RAB3C: variants seen among roughly 807,000 people sequenced by gnomAD.
RAB3C encodes ras-related protein Rab-3C.
In RAB3C, 17 loss-of-function variants were observed where a neutral mutation model predicts 26.4. The observed-to-expected ratio is 0.64, with a 90% CI of 0.44 to 0.97. The LOEUF is 0.97. Ranked by LOEUF, RAB3C falls within the 50% of genes least tolerant of loss-of-function variation. The pLI is 0.00. For synonymous variants in RAB3C, 91 were observed against 95.9 expected (o/e 0.95, Z 0.30); for missense variants, 242 against 281.9 (o/e 0.86, Z 1.01).
chr5:58,716,113 G>T (rs1749168402), intron 2 of RAB3C, among the ~76,000 whole-genome samples: 2 of 150,992 alleles, frequency 1.3e-5, no homozygotes, highest in South Asian at 4.2e-4. Flanking sequence ...AGAAATAAGG[G>T]GTTATCATCT....
chr5:58,600,880 T>C (rs1048046057), intron 1 of RAB3C, among the ~76,000 whole-genome samples: 2 of 152,140 alleles, frequency 1.3e-5, no homozygotes, highest in African/African-American at 4.8e-5. Context: ...TTCAATACGA[T>C]GTTGAAGAGG....
intron 2 of RAB3C, among the ~76,000 whole-genome samples, chr5:58,658,904 C>T (rs934586485): frequency 6.6e-6 from 1 of 152,148 alleles, no homozygotes; most frequent in Non-Finnish European, 1.5e-5. Flanking sequence ...AAGATCTAGA[C>T]TCAGAACTGG....
chr5:58,727,216 C>A (rs1740910228), intron 3 of RAB3C, among the ~76,000 whole-genome samples: 1 of 151,676 alleles, frequency 6.6e-6, no homozygotes, highest in African/African-American at 2.4e-5. Context: ...AAAATATTTC[C>A]ATTTGCTTTT....
intron 3 of RAB3C, chr5:58,741,722 T>A (rs1315627603): frequency 6.6e-6 from 1 of 152,098 alleles, no homozygotes; most frequent in Non-Finnish European, 1.5e-5. Flanking sequence ...AAGGATAAGT[T>A]GGCCAGGTGT....
intron 3 of RAB3C, among the ~76,000 whole-genome samples, chr5:58,774,632 C>T (rs1481199791): frequency 6.6e-6 from 1 of 151,850 alleles, no homozygotes; most frequent in African/African-American, 2.4e-5. Context: ...AGAAAAAATA[C>T]AAACAGGGAA....
At chr5:58,831,212 A>T (rs894021939) in intron 4 of RAB3C, among the ~76,000 whole-genome samples, 1 of 152,122 alleles carries the variant, frequency 6.6e-6, no homozygotes, top group Admixed American at 6.6e-5. Context: ...TTAGTTTTCT[A>T]TCTTAAAGTC....
At chr5:58,736,168 C>A (rs921132843) in intron 3 of RAB3C, among the ~76,000 whole-genome samples, 1 of 152,210 alleles carries the variant, frequency 6.6e-6, no homozygotes, top group African/African-American at 2.4e-5. Flanking sequence ...CAGCATTGCA[C>A]CATTCCTAGC....
intron 4 of RAB3C, among the ~76,000 whole-genome samples, chr5:58,844,995 T>G (rs182000029): frequency 9.8e-4 from 149 of 152,262 alleles, no homozygotes; most frequent in African/African-American, 3.4e-3. Context: ...CCTGTAAGAT[T>G]GTTGTAATGC....
intron 2 of RAB3C, among the ~76,000 whole-genome samples, chr5:58,623,531 T>C (rs1746978180): frequency 6.6e-6 from 1 of 152,230 alleles, no homozygotes; most frequent in African/African-American, 2.4e-5. Flanking sequence ...TCCTGAGAGA[T>C]TGAGAAAGGC....
At chr5:58,629,863 G>A (rs142049676) in intron 2 of RAB3C, among the ~76,000 whole-genome samples, 23 of 152,278 alleles carry the variant, frequency 1.5e-4, no homozygotes, top group Non-Finnish European at 3.2e-4. Flanking sequence ...AAAAGTTTTT[G>A]CTAAGCCTCC....
intron 3 of RAB3C, among the ~76,000 whole-genome samples, chr5:58,744,436 C>G (rs1196860729): frequency 6.6e-6 from 1 of 152,192 alleles, no homozygotes; most frequent in Non-Finnish European, 1.5e-5. Flanking sequence ...AACATGCAGT[C>G]ATCGTCACAC....
intron 2 of RAB3C, among the ~76,000 whole-genome samples, chr5:58,697,546 G>T (rs1016634835): frequency 1.3e-5 from 2 of 152,124 alleles, no homozygotes; most frequent in Non-Finnish European, 2.9e-5. Flanking sequence ...CATTATTATT[G>T]TGTGGGAGTC....
In RAB3C at chr5:58,628,533, C is replaced by G. The variant is rs112240762; in HGVS notation, c.252+10663C>G. On this transcript the variant is annotated intron_variant, in intron 2 of 4. Coordinates refer to ENST00000282878, the MANE Select transcript of RAB3C (RefSeq NM_138453.4). The stretch of plus-strand genomic sequence containing the variant: ...CAGCCACTGCCAATCAGTAGCTCAT[C>G]ATGGAAGGGGCCACAGATGCCTTGG... 8.4e-3 allele frequency among the ~76,000 whole-genome samples: 1,284 copies of G among 152,064 alleles called. 11 individuals carry two copies. Among genetic ancestry groups the G allele is most frequent in the Non-Finnish European group, 0.014 (970 of 67,994 alleles).
At chr5:58,633,757 T>C (rs1233490491) in intron 2 of RAB3C, among the ~76,000 whole-genome samples, 1 of 152,146 alleles carries the variant, frequency 6.6e-6, no homozygotes, top group Non-Finnish European at 1.5e-5. Flanking sequence ...TCTCAGTACA[T>C]ATTGAATTAA....
chr5:58,701,741 A>G (rs889561990), intron 2 of RAB3C, among the ~76,000 whole-genome samples: 2 of 152,114 alleles, frequency 1.3e-5, no homozygotes, highest in Non-Finnish European at 2.9e-5. Context: ...AGCCAACAAG[A>G]TAGCACCTCA....
At chr5:58,665,227 AT>A (rs1403359210) in intron 2 of RAB3C, among the ~76,000 whole-genome samples, 1 of 152,184 alleles carries the variant, frequency 6.6e-6, no homozygotes, top group African/African-American at 2.4e-5. Context: ...CACAAAAAAA[AT>A]CATTATATAT....
intron 2 of RAB3C, among the ~76,000 whole-genome samples, chr5:58,684,023 C>A (rs1055853277): frequency 3.3e-5 from 5 of 152,104 alleles, no homozygotes; most frequent in African/African-American, 9.6e-5. Flanking sequence ...ATAGTACAGC[C>A]AGCCCTCCAT....
At chr5:58,729,915 A>G (rs1456402330) in intron 3 of RAB3C, among the ~76,000 whole-genome samples, 1 of 147,006 alleles carries the variant, frequency 6.8e-6, no homozygotes, top group African/African-American at 2.5e-5. Flanking sequence ...TATTTATATT[A>G]TATATATACA....
At chr5:58,627,352 C>CTTAAATTCGGTGCAAATTAAGCATT (rs1579824745) in intron 2 of RAB3C, among the ~76,000 whole-genome samples, 6 of 141,584 alleles carry the variant, frequency 4.2e-5, no homozygotes, top group South Asian at 2.3e-4. Context: ...TTAAACACAG[C>CTTAAATTCGGTGCAAATTAAGCATT]TACTCGGGAG....
Sources: allele counts gnomAD v4.1 joint callset (sites outside exome capture counted in the v4.1 genomes callset), GRCh38; gene constraint gnomAD v4.1.1; transcripts MANE v1.5; gene names NCBI Gene and HGNC (gene_info 2026-07-23, HGNC 2026-07-21).